The following TTC27 variants were observed in gnomAD, a reference collection of about 807,000 sequenced individuals.
The protein encoded by TTC27 is tetratricopeptide repeat domain 27, also known as tetratricopeptide repeat protein 27.
TTC27 carries 79 observed loss-of-function variants against 115.9 expected under a neutral mutation model. The observed-to-expected ratio is 0.68, with a 90% confidence interval of 0.57 to 0.82. TTC27 has a LOEUF of 0.82. Ranked by LOEUF, TTC27 falls within the 40% of genes least tolerant of loss-of-function variation. The pLI is 0.00. For synonymous variants in TTC27, 401 were observed against 356.0 expected, an observed-to-expected ratio of 1.13 and a Z score of -1.42; for missense variants, 1,054 against 993.1, an observed-to-expected ratio of 1.06 and a Z score of -0.82.
In TTC27 at chr2:32,632,517, T is replaced by C. The variant is rs79008081; in HGVS notation, c.267-1359T>C. On this transcript the variant is annotated intron_variant, in intron 2 of 19. Transcript: ENST00000317907. ...TTTTCAGTTCACCTTATGGATTTTG[T>C]TTTTTGATTAGGACAGTTTATTAAG... 6.6e-3 allele frequency among the ~76,000 whole-genome samples: 1,001 copies of C among 152,336 alleles called. 10 individuals are homozygous for C. Among genetic ancestry groups the C allele is most frequent in the Admixed American group, 0.014 (212 of 15,300 alleles).
intron 7 of TTC27, among the ~76,000 whole-genome samples, chr2:32,667,970 G>A (rs1043915825): frequency 1.5e-4 from 23 of 151,532 alleles, no homozygotes; most frequent in Non-Finnish European, 2.8e-4. Context: ...GGGTGCACGA[G>A]GTCAGGAGAT....
chr2:32,665,750 G>T (rs1180053693), intron 6 of TTC27, among the ~76,000 whole-genome samples: 1 of 152,112 alleles, frequency 6.6e-6, no homozygotes, highest in Non-Finnish European at 1.5e-5. Flanking sequence ...AATTAGCTGG[G>T]TGTGGTGGTG....
At chr2:32,705,539 T>A (rs115727326) in intron 10 of TTC27, among the ~76,000 whole-genome samples, 1,976 of 151,324 alleles carry the variant, frequency 0.013, 23 homozygotes, top group Non-Finnish European at 0.018. Context: ...TTTAAAAAAA[T>A]GTATGTATTT....
intron 5 of TTC27, among the ~76,000 whole-genome samples, chr2:32,657,560 CTT>C (rs890460924): frequency 6.6e-6 from 1 of 151,838 alleles, no homozygotes; most frequent in African/African-American, 2.4e-5. Context: ...CACCGAAACA[CTT>C]TCTTTTTCAG....
chr2:32,680,138 C>T (rs532074833), intron 9 of TTC27, among the ~76,000 whole-genome samples: 62 of 152,054 alleles, frequency 4.1e-4, no homozygotes, highest in Non-Finnish European at 6.6e-4. Flanking sequence ...TTTATTTTCC[C>T]ACTTCAGTAT....
intron 13 of TTC27, among the ~76,000 whole-genome samples, chr2:32,771,513 C>G (rs1669829239): frequency 1.3e-5 from 2 of 152,158 alleles, no homozygotes; most frequent in Non-Finnish European, 1.5e-5. Context: ...GAAGGGCATT[C>G]AGTAATTAAT....
At chr2:32,713,462 G>C (rs947941296) in intron 10 of TTC27, among the ~76,000 whole-genome samples, 1 of 152,102 alleles carries the variant, frequency 6.6e-6, no homozygotes, top group African/African-American at 2.4e-5. Context: ...ATTGTTTTAT[G>C]TTTATTACTG....
At chr2:32,812,469 T>G in intron 17 of TTC27, 35 bp from the exon 18 acceptor site, 1 of 1,453,658 alleles carries the variant, frequency 6.9e-7, no homozygotes, top group Non-Finnish European at 9.6e-7. Flanking sequence ...GAATTCTACT[T>G]GTTATTCTGA....
chr2:32,775,756 T>C (rs1669977043), intron 13 of TTC27, among the ~76,000 whole-genome samples: 1 of 152,172 alleles, frequency 6.6e-6, no homozygotes, highest in Non-Finnish European at 1.5e-5. Context: ...ACTGATAAGC[T>C]ATTGGTTTTT....
At chr2:32,709,488 G>A (rs1667502507) in intron 10 of TTC27, among the ~76,000 whole-genome samples, 2 of 152,154 alleles carry the variant, frequency 1.3e-5, no homozygotes, top group South Asian at 2.1e-4. Flanking sequence ...TTGGGGATGG[G>A]ACCCAAATCT....
chr2:32,629,496 G>A (rs1169168805), intron 1 of TTC27, among the ~76,000 whole-genome samples: 2 of 151,626 alleles, frequency 1.3e-5, no homozygotes, highest in African/African-American at 2.4e-5. Flanking sequence ...GTGCAGTGGC[G>A]CGATCTCGGC....
At chr2:32,691,184 A>G (rs1447441882) in intron 9 of TTC27, among the ~76,000 whole-genome samples, 2 of 152,080 alleles carry the variant, frequency 1.3e-5, no homozygotes, top group Non-Finnish European at 2.9e-5. Context: ...ATGGTACAGA[A>G]TTTTCTTTGC....
chr2:32,644,168 G>A (rs1364291403), intron 4 of TTC27, among the ~76,000 whole-genome samples: 1 of 131,744 alleles, frequency 7.6e-6, no homozygotes, highest in African/African-American at 3.0e-5. Flanking sequence ...GCAACACAGC[G>A]AGACTCTGTT....
chr2:32,633,029 T>TTTG (rs898289795), intron 2 of TTC27, among the ~76,000 whole-genome samples: 6 of 152,232 alleles, frequency 3.9e-5, no homozygotes, highest in African/African-American at 9.6e-5. Context: ...ATCTATATGT[T>TTTG]TTGTTGTTGT....
Position 32,630,686 on chromosome 2 carries a change from G to A in TTC27, c.252G>A (p.Leu84=). 1 of 1,606,128 alleles carries A rather than the reference G, an allele frequency of 6.2e-7. No homozygotes were observed. Among genetic ancestry groups the A allele is most frequent in the Non-Finnish European group, 8.5e-7 (1 of 1,177,610 alleles). The change falls in exon 2 of 20, where the codon TTG becomes TTA. Residue 84 remains leucine (L), a synonymous_variant. Transcript: ENST00000317907. ...VVTFLDYSTD[L]DTTERQQLIF... is the part of the protein sequence containing the mutation. ...CATTCCTGGATTACTCAACAGATTT[G>A]GACACAACGGAAAGGTAGAATTTTA... is the stretch of plus-strand genomic sequence containing the variant.
chr2:32,646,711 C>T (rs932688326), intron 4 of TTC27, among the ~76,000 whole-genome samples: 3 of 151,550 alleles, frequency 2.0e-5, no homozygotes, highest in Non-Finnish European at 4.4e-5. Context: ...CTACAGGCTC[C>T]CACCAGTACG....
chr2:32,709,334 T>G (rs1667496391), intron 10 of TTC27, among the ~76,000 whole-genome samples: 1 of 152,222 alleles, frequency 6.6e-6, no homozygotes, highest in African/African-American at 2.4e-5. Context: ...TACCATAACC[T>G]TGTGATTATG....
At chr2:32,640,735 C>A (rs1664613750) in intron 4 of TTC27, among the ~76,000 whole-genome samples, 1 of 152,158 alleles carries the variant, frequency 6.6e-6, no homozygotes, top group African/African-American at 2.4e-5. Flanking sequence ...GTAATCCCAG[C>A]ACTTTGAGAG....
chr2:32,688,613 G>A (rs948071669), intron 9 of TTC27, among the ~76,000 whole-genome samples: 3 of 152,066 alleles, frequency 2.0e-5, no homozygotes, highest in Admixed American at 2.0e-4. Flanking sequence ...TATTTGAACA[G>A]ACACTTGAAC....
Sources: allele counts gnomAD v4.1 joint callset (sites outside exome capture counted in the v4.1 genomes callset), GRCh38; gene constraint gnomAD v4.1.1; transcripts MANE v1.5; gene names NCBI Gene and HGNC (gene_info 2026-07-23, HGNC 2026-07-21).